Variants in EFHC2 observed in about 807,000 individuals in gnomAD.
The protein encoded by EFHC2 is EF-hand domain containing 2, also known as EF-hand domain-containing family member C2.
Under a neutral mutation model 52.7 loss-of-function variants are expected in EFHC2, and 18 were observed. That is an observed-to-expected ratio of 0.34 (90% confidence interval 0.24 to 0.51). The LOEUF (loss-of-function observed/expected upper bound fraction) is 0.51, where lower values mean the gene tolerates loss of function less well. EFHC2 is among the 20% of genes least tolerant of loss of function. EFHC2 has a pLI of 0.97. For synonymous variants in EFHC2, 203 were observed against 204.1 expected, an observed-to-expected ratio of 0.99 and a Z score of 0.04; for missense variants, 513 against 562.5, an observed-to-expected ratio of 0.91 and a Z score of 0.89.
chrX:44,283,021 C>T (rs929567928), intron 2 of EFHC2, among the ~76,000 whole-genome samples: 7 of 111,003 alleles, frequency 6.3e-5, no homozygotes, highest in African/African-American at 2.3e-4. Context: ...GTATGTTCTG[C>T]CCTGTCCTCC....
At chrX:44,309,860 CCTT>C (rs760903582) in intron 2 of EFHC2, 91 of 1,178,440 alleles carry the variant, frequency 7.7e-5, no homozygotes, top group Non-Finnish European at 1.0e-4. Flanking sequence ...GCCCAATCTG[CCTT>C]CTTCTTGACA....
intron 4 of EFHC2, among the ~76,000 whole-genome samples, chrX:44,256,361 T>C (rs2037491698): frequency 9.0e-6 from 1 of 111,483 alleles, no homozygotes; most frequent in African/African-American, 3.3e-5. Flanking sequence ...AGGTGGTTTT[T>C]TGAAAAGATC....
rs184659618 is a variant in EFHC2, at chrX:44,327,729, A to T, written c.43-14973T>A. 9.3e-4 allele frequency among the ~76,000 whole-genome samples: 104 copies of T among 112,010 alleles called. 5 individuals carry two copies. In the East Asian group the frequency reaches 0.018, roughly 19 times the overall value. On this transcript the variant is annotated intron_variant, in intron 1 of 14. Coordinates refer to ENST00000420999, the MANE Select transcript of EFHC2 (RefSeq NM_025184.4). Reference sequence around the variant, plus strand: ...TCTAAGAATGTAAGACTATAAGAGCATGAAAGCCATCATTACTTATTAATT... The same window carrying T: ...TCTAAGAATGTAAGACTATAAGAGCTTGAAAGCCATCATTACTTATTAATT...
intron 9 of EFHC2, among the ~76,000 whole-genome samples, chrX:44,233,825 G>A (rs925816268): frequency 1.8e-5 from 2 of 111,493 alleles, no homozygotes; most frequent in African/African-American, 6.5e-5. Flanking sequence ...GTGTGTTGAG[G>A]TCACTCTTCC....
At chrX:44,280,933 T>G (rs190105180) in intron 2 of EFHC2, among the ~76,000 whole-genome samples, 45 of 111,688 alleles carry the variant, frequency 4.0e-4, no homozygotes, top group African/African-American at 1.4e-3. Flanking sequence ...TTATTATTTT[T>G]TTTTTAGATG....
intron 2 of EFHC2, among the ~76,000 whole-genome samples, chrX:44,312,169 T>C: frequency 8.9e-6 from 1 of 112,442 alleles, no homozygotes; most frequent in Non-Finnish European, 1.9e-5. Context: ...GTTTAAGAGA[T>C]CTATTGTATA....
chrX:44,341,147 G>A (rs1162663209), intron 1 of EFHC2, among the ~76,000 whole-genome samples: 1 of 111,977 alleles, frequency 8.9e-6, no homozygotes, highest in Non-Finnish European at 1.9e-5. Context: ...AAAAAAGCCA[G>A]TCACAAAAGA....
At chrX:44,332,761 C>A (rs2038095550) in intron 1 of EFHC2, among the ~76,000 whole-genome samples, 1 of 111,124 alleles carries the variant, frequency 9.0e-6, no homozygotes, top group African/African-American at 3.3e-5. Context: ...AGAGAGAAAA[C>A]TATCCCTCAG....
At chrX:44,153,926 C>T (rs751027236) in intron 14 of EFHC2, among the ~76,000 whole-genome samples, 106 of 112,468 alleles carry the variant, frequency 9.4e-4, no homozygotes, top group Non-Finnish European at 1.5e-3. Context: ...TATCATATGG[C>T]TTTCCCAGCA....
intron 1 of EFHC2, among the ~76,000 whole-genome samples, chrX:44,319,806 G>A (rs1055213323): frequency 8.9e-5 from 10 of 112,332 alleles, no homozygotes; most frequent in Middle Eastern, 4.6e-3. Context: ...ATAATGGATC[G>A]GTTGGCATGT....
intron 14 of EFHC2, among the ~76,000 whole-genome samples, chrX:44,159,029 G>A (rs2036630581): frequency 8.9e-6 from 1 of 112,500 alleles, no homozygotes; most frequent in South Asian, 3.6e-4. Flanking sequence ...CAACCCACCA[G>A]GACAAAGGCC....
intron 11 of EFHC2, among the ~76,000 whole-genome samples, chrX:44,218,627 C>A (rs2037169596): frequency 8.9e-6 from 1 of 112,083 alleles, no homozygotes; most frequent in African/African-American, 3.2e-5. Context: ...AACCATAAAG[C>A]TATTAGAGGG....
chrX:44,253,731 A>C (rs1349918762), intron 4 of EFHC2, among the ~76,000 whole-genome samples: 1 of 112,092 alleles, frequency 8.9e-6, no homozygotes, highest in Non-Finnish European at 1.9e-5. Context: ...TGCCAGCTCT[A>C]AAGAGAGCAG....
rs765718645 is a variant in EFHC2 at position 44,259,327 on chromosome X, C to T, written c.606+1748G>A. Among the ~76,000 whole-genome samples the T allele has an allele frequency of 9.6e-3, 1,046 of 108,952 alleles. 3 individuals are homozygous for T. The highest frequency in any genetic ancestry group is 0.015 in the Non-Finnish European group (802 of 52,521). The allele number at this position is 108,952 out of a possible 115,157, so 94.6% of individuals were successfully genotyped here. A position where few individuals can be genotyped will look rare whatever the true frequency, so the allele number is the denominator to read the frequency against. On this transcript the variant is annotated intron_variant, in intron 4 of 14. Transcript: ENST00000420999. ...AAACAAAACACTGCATGTTCTCACT[C>T]ATAAATGGGAGTTGAACAATGAGAA...
intron 2 of EFHC2, among the ~76,000 whole-genome samples, chrX:44,289,743 G>A (rs1402145247): frequency 3.2e-5 from 3 of 95,110 alleles, no homozygotes; most frequent in Non-Finnish European, 6.1e-5. Context: ...GTGCAATGGC[G>A]CAATCTCGGC....
chrX:44,231,779 C>T (rs914643752), intron 10 of EFHC2, among the ~76,000 whole-genome samples: 2 of 111,681 alleles, frequency 1.8e-5, no homozygotes, highest in African/African-American at 6.5e-5. Context: ...ATAAAATTTT[C>T]CAGATAGATT....
intron 2 of EFHC2, chrX:44,284,174 C>T (rs1030336033): frequency 1.2e-4 from 14 of 112,059 alleles, no homozygotes; most frequent in Admixed American, 1.2e-3. Flanking sequence ...CCTCCCATTC[C>T]TCAGCCACTG....
chrX:44,209,379 T>C (rs1213256663), intron 11 of EFHC2, among the ~76,000 whole-genome samples: 1 of 108,887 alleles, frequency 9.2e-6, no homozygotes, highest in African/African-American at 3.3e-5. Context: ...AATAAAGAAG[T>C]GAAAATGTCT....
At chrX:44,317,703 T>C (rs1359426723) in intron 1 of EFHC2, among the ~76,000 whole-genome samples, 1 of 113,204 alleles carries the variant, frequency 8.8e-6, no homozygotes, top group Non-Finnish European at 1.9e-5. Flanking sequence ...AAAGGAGCGC[T>C]TGCGCTCACG....
Sources: gnomAD v4.1 joint callset for allele counts (sites outside exome capture counted in the v4.1 genomes callset) on GRCh38, gnomAD v4.1.1 for gene constraint, MANE v1.5 for transcripts, NCBI Gene and HGNC (gene_info 2026-07-23, HGNC 2026-07-21) for gene names.